The following DOCK5 variants were observed in gnomAD, a reference collection of about 807,000 sequenced individuals.
DOCK5 encodes the protein dedicator of cytokinesis 5.
Under a neutral mutation model 251.8 loss-of-function variants are expected in DOCK5, and 142 were observed. The ratio of observed to expected loss-of-function variants is 0.56; its 90% confidence interval spans 0.49 to 0.65. The LOEUF is 0.65. Among genes scored for constraint, DOCK5 ranks in the 30% least tolerant of loss-of-function variants. The pLI is 0.00. For synonymous variants in DOCK5, 842 were observed against 835.5 expected (o/e 1.01, Z -0.13); for missense variants, 2,111 against 2,312.3 (o/e 0.91, Z 1.79).
At chr8:25,243,380 G>C (rs187573021) in intron 1 of DOCK5, among the ~76,000 whole-genome samples, 1 of 151,400 alleles carries the variant, frequency 6.6e-6, no homozygotes, top group African/African-American at 2.4e-5. Context: ...ACCCAGGCTG[G>C]TGTGCAGTGG....
chr8:25,320,553 G>T (rs1272097189), intron 15 of DOCK5, among the ~76,000 whole-genome samples: 1 of 152,116 alleles, frequency 6.6e-6, no homozygotes, highest in Non-Finnish European at 1.5e-5. Flanking sequence ...TCTCTCCCCT[G>T]TAGATAGGTA....
chr8:25,415,128 T>G lies in DOCK5; in HGVS notation c.*3830T>G, dbSNP rs1029815066. On this transcript the variant is annotated 3_prime_UTR_variant, in exon 52 of 52. Coordinates refer to ENST00000276440, the MANE Select transcript of DOCK5 (RefSeq NM_024940.8). ...ACCCTGGCTATTAAGATAAAAAGAT[T>G]TGTGGACATTAAAATTATGAATATG... 1.3e-5 allele frequency: 2 copies of G among 152,056 alleles called. No individual in the cohort carries two copies. Among genetic ancestry groups the G allele is most frequent in the African/African-American group, 4.8e-5 (2 of 41,390 alleles). The allele number at this position is 152,056 out of a possible 1,614,324, so 9.4% of individuals were successfully genotyped here.
Position 25,369,613 on chromosome 8 carries a change from G to T in DOCK5, c.3496G>T (p.Glu1166Ter). Residue 1166 changes from glutamate to a stop codon, truncating the protein, a stop_gained, in exon 34 of 52, where the codon GAA becomes TAA. Transcript: ENST00000276440. LOFTEE classifies it high-confidence loss of function. The stretch of plus-strand genomic sequence containing the variant: ...GGAGGTAGAAGGGGGCAGAGGAGAC[G>T]AACAATACAAGGTTCTTCTGGAAAA... ...DQEVEGGRGD[E>*]QYKVLLEKLL... 6.2e-7 allele frequency: 1 copy of T among 1,611,044 alleles called. No individual in the cohort carries two copies. The highest frequency in any genetic ancestry group is 8.5e-7 in the Non-Finnish European group (1 of 1,178,632).
intron 3 of DOCK5, among the ~76,000 whole-genome samples, chr8:25,274,700 T>A (rs1424050463): frequency 6.6e-6 from 1 of 152,176 alleles, no homozygotes; most frequent in East Asian, 1.9e-4. Context: ...TTTGAGTGCA[T>A]TTGGTTTAAG....
rs1386703629 is a variant in DOCK5, at chr8:25,254,800, A to C, written c.127+11043A>C. On this transcript the variant is annotated intron_variant, in intron 2 of 51. Coordinates refer to ENST00000276440, the MANE Select transcript of DOCK5 (RefSeq NM_024940.8). The stretch of plus-strand genomic sequence containing the variant: ...AAAAAAAACAAAACAAAACAAAAAA[A>C]AAAAACATTTGATAAAGGACTATTA... 1.3e-5 allele frequency among the ~76,000 whole-genome samples: 2 copies of C among 148,200 alleles called. 1 individual carries two copies. The highest frequency in any genetic ancestry group is 3.0e-5 in the Non-Finnish European group (2 of 67,070).
chr8:25,267,852 GTA>G (rs1385114267), intron 2 of DOCK5, among the ~76,000 whole-genome samples: 1 of 151,732 alleles, frequency 6.6e-6, no homozygotes, highest in East Asian at 1.9e-4. Context: ...ATAGGGGTGT[GTA>G]CCTTTATTGG....
At chr8:25,408,302 TTG>T (rs971607076) in intron 49 of DOCK5, 148 bp downstream of exon 49, 1 of 846,458 alleles carries the variant, frequency 1.2e-6, no homozygotes, top group Non-Finnish European at 1.8e-6. Context: ...AGGTCGCAGA[TTG>T]TGGTAAGGAA....
intron 1 of DOCK5, among the ~76,000 whole-genome samples, chr8:25,217,929 C>G (rs1233127984): frequency 6.6e-6 from 1 of 152,184 alleles, no homozygotes; most frequent in African/African-American, 2.4e-5. Flanking sequence ...ACCTTTTATT[C>G]AAAGGGAATG....
intron 1 of DOCK5, among the ~76,000 whole-genome samples, chr8:25,232,295 C>G (rs2117521946): frequency 6.9e-6 from 1 of 144,534 alleles, no homozygotes; most frequent in African/African-American, 2.7e-5. Flanking sequence ...CAATGCAATG[C>G]AGATGCAATG....
chr8:25,394,314 A>G (rs1041424264), intron 44 of DOCK5, among the ~76,000 whole-genome samples: 3 of 152,168 alleles, frequency 2.0e-5, no homozygotes, highest in Non-Finnish European at 2.9e-5. Context: ...ATAGGAGGTC[A>G]TGTTGACTGA....
At chr8:25,269,505 G>A (rs1268958131) in intron 3 of DOCK5, among the ~76,000 whole-genome samples, 1 of 152,056 alleles carries the variant, frequency 6.6e-6, no homozygotes, top group Non-Finnish European at 1.5e-5. Context: ...TTATGTATTT[G>A]ATATGTAATA....
intron 2 of DOCK5, among the ~76,000 whole-genome samples, chr8:25,268,345 G>A (rs888133233): frequency 3.3e-5 from 5 of 152,020 alleles, no homozygotes; most frequent in Non-Finnish European, 5.9e-5. Context: ...CATAAGATCT[G>A]CTAGTTCAAT....
chr8:25,372,963 G>A (rs1405424363), intron 35 of DOCK5, among the ~76,000 whole-genome samples: 1 of 151,924 alleles, frequency 6.6e-6, no homozygotes, highest in East Asian at 1.9e-4. Context: ...TAGGTTTGGG[G>A]GTACAGTGGT....
chr8:25,329,216 C>G (rs1027945804), intron 18 of DOCK5, among the ~76,000 whole-genome samples: 1 of 152,140 alleles, frequency 6.6e-6, no homozygotes, highest in Non-Finnish European at 1.5e-5. Flanking sequence ...TTTGCCACAT[C>G]TGTAGCCCTT....
intron 18 of DOCK5, among the ~76,000 whole-genome samples, chr8:25,329,041 G>A (rs1344588304): frequency 2.0e-5 from 3 of 152,168 alleles, no homozygotes; most frequent in African/African-American, 7.2e-5. Context: ...GAGTCTCCAA[G>A]ATCTGTTTGT....
rs1172510779 is a variant in DOCK5, at chr8:25,308,945, C to G, written c.1192+20C>G. 2.6e-6 allele frequency: 4 copies of G among 1,528,518 alleles called. No individual in the cohort carries two copies. The highest frequency in any genetic ancestry group is 3.6e-6 in the Non-Finnish European group (4 of 1,107,162). 94.7% of individuals were successfully genotyped at this position (1,528,518 alleles called of 1,614,324 possible). ...GGCAAGGTACAGTCCAGTGCCAGAG[C>G]TGGGAGGGACTCTGCTGAGGGTGGG... On this transcript the variant is annotated intron_variant, in intron 12 of 51. Coordinates refer to ENST00000276440, the MANE Select transcript of DOCK5 (RefSeq NM_024940.8).
In DOCK5 at chr8:25,308,654, T is replaced by C. The variant is rs1805009078; in HGVS notation, c.1050-129T>C. ...ACAAAATGGAAAAATAAAGGAAAGATAGAAAGATAGGGGTACTTAGTGTTG... is the reference window on the plus strand; with the variant it reads ...ACAAAATGGAAAAATAAAGGAAAGACAGAAAGATAGGGGTACTTAGTGTTG... On this transcript the variant is annotated intron_variant, in intron 11 of 51. Transcript: ENST00000276440. 27 of 953,278 alleles carry C rather than the reference T, an allele frequency of 2.8e-5. No homozygotes were observed. In the South Asian group the frequency reaches 5.4e-4, roughly 19 times the overall value. The allele number at this position is 953,278 out of a possible 1,614,324, so 59.1% of individuals were successfully genotyped here. A position where few individuals can be genotyped will look rare whatever the true frequency, so the allele number is the denominator to read the frequency against.
chr8:25,395,516 C>T (rs759071199), intron 44 of DOCK5, 27 bp from the exon 45 acceptor site: 20 of 1,591,162 alleles, frequency 1.3e-5, no homozygotes, highest in Non-Finnish European at 1.7e-5. Flanking sequence ...CAAGTGTCCT[C>T]TTTCTCCCAT....
At chr8:25,291,117 T>C (rs1007886045) in intron 5 of DOCK5, among the ~76,000 whole-genome samples, 4 of 152,020 alleles carry the variant, frequency 2.6e-5, no homozygotes, top group East Asian at 1.9e-4. Flanking sequence ...AGTCAAGATA[T>C]GGAAGGATCA....
Sources: allele counts gnomAD v4.1 joint callset (sites outside exome capture counted in the v4.1 genomes callset), GRCh38; gene constraint gnomAD v4.1.1; transcripts MANE v1.5; gene names NCBI Gene and HGNC (gene_info 2026-07-23, HGNC 2026-07-21).